Variants in SNX29 observed in about 807,000 individuals in gnomAD.
The protein encoded by SNX29 is sorting nexin 29, also known as sorting nexin-29.
In SNX29, 78 loss-of-function variants were observed where a neutral mutation model predicts 102.1. That is an observed-to-expected ratio of 0.76 (90% CI 0.64 to 0.92). The LOEUF (loss-of-function observed/expected upper bound fraction) is 0.92. Among genes scored for constraint, SNX29 ranks in the 40% least tolerant of loss-of-function variants. The probability of loss-of-function intolerance (pLI) is 0.00; values close to 1 mark genes in which losing one functional copy is unlikely to be tolerated. For synonymous variants in SNX29, 580 were observed against 414.5 expected (o/e 1.40, Z -4.85); for missense variants, 1,280 against 1,061.7 (o/e 1.21, Z -2.86).
chr16:12,156,366 G>T lies in SNX29; in HGVS notation c.1595+26608G>T, dbSNP rs2055550461. Reference sequence around the variant, plus strand: ...TTTTTGTATGTTTGGTAGAGATGGTGTTTTGCCATGTTGGCCAGGATGGTC... The same window carrying T: ...TTTTTGTATGTTTGGTAGAGATGGTTTTTTGCCATGTTGGCCAGGATGGTC... On this transcript the variant is annotated intron_variant, in intron 13 of 20. Coordinates refer to ENST00000566228, the MANE Select transcript of SNX29 (RefSeq NM_032167.5). Among the ~76,000 whole-genome samples, 5 of 152,304 alleles carry T rather than the reference G, an allele frequency of 3.3e-5. No individual in the cohort carries two copies. The South Asian group carries it at 1.0e-3, about 32-fold the overall frequency.
At chr16:12,247,528 C>T (rs1408670114) in intron 14 of SNX29, among the ~76,000 whole-genome samples, 1 of 152,110 alleles carries the variant, frequency 6.6e-6, no homozygotes, top group Admixed American at 6.5e-5. Context: ...AGTGACTTGT[C>T]ACGAGAAAGG....
intron 15 of SNX29, among the ~76,000 whole-genome samples, chr16:12,349,899 T>G (rs1262285284): frequency 6.6e-6 from 1 of 152,198 alleles, no homozygotes; most frequent in Non-Finnish European, 1.5e-5. Flanking sequence ...TTTAAAAAAC[T>G]TTCAATTCAT....
intron 16 of SNX29, among the ~76,000 whole-genome samples, chr16:12,387,834 C>G (rs73513922): frequency 0.047 from 7,166 of 152,216 alleles, 339 homozygotes; most frequent in African/African-American, 0.13. Flanking sequence ...TTCCATGCCT[C>G]CATGCCTGAA....
chr16:12,519,641 T>G lies in SNX29; in HGVS notation c.2179-5061T>G, dbSNP rs148508053. On this transcript the variant is annotated intron_variant, in intron 19 of 20. Transcript: ENST00000566228. ...CAAATATGGAAAAGAGTTAAGACTT[T>G]TTAGACAAAGTATTGTGGAGATTCA... Among the ~76,000 whole-genome samples, 46 of 152,348 alleles carry G rather than the reference T, an allele frequency of 3.0e-4. No homozygotes were observed. The East Asian group carries it at 7.9e-3, about 26-fold the overall frequency.
At chr16:12,199,827 T>G (rs1371498488) in intron 14 of SNX29, 144 bp downstream of exon 14, 2 of 686,602 alleles carry the variant, frequency 2.9e-6, no homozygotes, top group Non-Finnish European at 4.9e-6. Context: ...TCCAGAAAAT[T>G]AATCAGGTGG....
chr16:12,504,998 G>A (rs190458644), intron 19 of SNX29, among the ~76,000 whole-genome samples: 4 of 152,212 alleles, frequency 2.6e-5, no homozygotes, highest in East Asian at 1.9e-4. Context: ...ATCCTAGGCC[G>A]GGCACAGTGG....
In SNX29 at chr16:12,573,951, G is replaced by A. The variant is rs1473530750; in HGVS notation, c.*5322G>A. 1 of 199,834 alleles carries A rather than the reference G, an allele frequency of 5.0e-6. No individual in the cohort carries two copies. The highest frequency in any genetic ancestry group is 7.7e-5 in the East Asian group (1 of 12,928). 12.4% of individuals were successfully genotyped at this position (199,834 alleles called of 1,614,324 possible). A position where few individuals can be genotyped will look rare whatever the true frequency, so the allele number is the denominator to read the frequency against. ...AGAAGCGAGTCTTTTTTGAATGGAG[G>A]AGCGATGGTAACCCCACTAGGGGGC... On this transcript the variant is annotated 3_prime_UTR_variant, in exon 21 of 21. Transcript: ENST00000566228.
chr16:12,335,611 G>C lies in SNX29; in HGVS notation c.1783-20552G>C, dbSNP rs143615057. ...GGATCTCTTGAGCCTAGGCATTTGA[G>C]GCTGCAGTGAGCTACGATGGTGCTG... On this transcript the variant is annotated intron_variant, in intron 15 of 20. Coordinates refer to ENST00000566228, the MANE Select transcript of SNX29 (RefSeq NM_032167.5). Among the ~76,000 whole-genome samples, 1,345 of 152,286 alleles carry C rather than the reference G, an allele frequency of 8.8e-3. 26 individuals are homozygous for C. The highest frequency in any genetic ancestry group is 0.031 in the African/African-American group (1,281 of 41,568).
Position 12,014,345 on chromosome 16 carries a change from G to A in SNX29, c.122+11302G>A, listed in dbSNP as rs375014108. Among the ~76,000 whole-genome samples the A allele has an allele frequency of 2.0e-5, 3 of 152,068 alleles. No individual in the cohort carries two copies. In the South Asian group the frequency reaches 6.2e-4, roughly 32 times the overall value. On this transcript the variant is annotated intron_variant, in intron 3 of 20. Transcript: ENST00000566228. The stretch of plus-strand genomic sequence containing the variant: ...TTCCTGATTTTGTCATTCCTCATCC[G>A]CCAAGAGTATCCAGGCAGCATTTGC...
chr16:12,240,585 CTTTTTTTT>C lies in SNX29; in HGVS notation c.1679-37328_1679-37321del, dbSNP rs1180028807. ...ATAAAATAGCATTTCTTTGTCATTTCTTTTTTTTTTTTTTTTTTTTTTTTTTTGTGAGA... is the reference window on the plus strand; with the variant it reads ...ATAAAATAGCATTTCTTTGTCATTTCTTTTTTTTTTTTTTTTTTTGTGAGA... On this transcript the variant is annotated intron_variant, in intron 14 of 20. Transcript: ENST00000566228. 6.9e-3 allele frequency among the ~76,000 whole-genome samples: 446 copies of C among 64,798 alleles called. 1 individual carries two copies. The highest frequency in any genetic ancestry group is 0.024 in the African/African-American group (425 of 17,658). The allele number at this position is 64,798 out of a possible 152,430, so 42.5% of individuals were successfully genotyped here.
intron 8 of SNX29, among the ~76,000 whole-genome samples, 192 bp from the exon 9 acceptor site, chr16:12,061,336 A>T (rs1464551627): frequency 2.0e-5 from 3 of 152,174 alleles, no homozygotes; most frequent in Admixed American, 6.5e-5. Flanking sequence ...CTCAGTAAAC[A>T]CTGGTTGAGA....
intron 11 of SNX29, among the ~76,000 whole-genome samples, chr16:12,111,960 G>A (rs760971297): frequency 6.6e-6 from 1 of 152,106 alleles, no homozygotes; most frequent in Admixed American, 6.6e-5. Flanking sequence ...TCTTCATTCC[G>A]GAGCAGGGCG....
At position 12,132,639 on chromosome 16, in the gene SNX29, G is replaced by A. The variant is rs562215645; in HGVS notation, c.1595+2881G>A. On this transcript the variant is annotated intron_variant, in intron 13 of 20. Coordinates refer to ENST00000566228, the MANE Select transcript of SNX29 (RefSeq NM_032167.5). ...GTCTTAAGTGTATTCCACAGGAAGC[G>A]TGTTTTAGTGCATGACAATTGTTGG... Among the ~76,000 whole-genome samples, 33 of 152,320 alleles carry A rather than the reference G, an allele frequency of 2.2e-4. No individual in the cohort carries two copies. The South Asian group carries it at 6.0e-3, about 28-fold the overall frequency.
intron 11 of SNX29, among the ~76,000 whole-genome samples, chr16:12,116,854 C>G (rs974794309): frequency 1.3e-5 from 2 of 152,124 alleles, no homozygotes; most frequent in Non-Finnish European, 2.9e-5. Flanking sequence ...GAGGACGAAC[C>G]ATGGAAACAG....
chr16:12,243,688 T>A (rs1368204941), intron 14 of SNX29, among the ~76,000 whole-genome samples: 1 of 152,134 alleles, frequency 6.6e-6, no homozygotes, highest in Non-Finnish European at 1.5e-5. Context: ...TTCAGGTCCA[T>A]CCATTTAGAA....
rs534198370 is a variant in SNX29, at chr16:11,999,239, T to C, written c.8-58T>C. 3.9e-6 allele frequency: 6 copies of C among 1,532,608 alleles called. No individual in the cohort carries two copies. The Admixed American group carries it at 1.0e-4, about 26-fold the overall frequency. 94.9% of individuals were successfully genotyped at this position (1,532,608 alleles called of 1,614,324 possible). A position where few individuals can be genotyped will look rare whatever the true frequency, so the allele number is the denominator to read the frequency against. On this transcript the variant is annotated intron_variant, in intron 1 of 20. Transcript: ENST00000566228. ...GATCAGTAGGAAAGGACTGATCTAG[T>C]TGGGGACAGCCGTGTCCGAGCGTCA...
intron 18 of SNX29, among the ~76,000 whole-genome samples, chr16:12,431,370 T>G (rs1395297998): frequency 6.6e-6 from 1 of 152,022 alleles, no homozygotes; most frequent in Non-Finnish European, 1.5e-5. Flanking sequence ...GTATTAGATT[T>G]ATTATATTGT....
chr16:12,112,543 A>G (rs1418117567), intron 11 of SNX29, among the ~76,000 whole-genome samples: 1 of 152,170 alleles, frequency 6.6e-6, no homozygotes, highest in Non-Finnish European at 1.5e-5. Flanking sequence ...TCCTGCTCAC[A>G]AGGGACTCGC....
At chr16:12,476,424 A>ACATATG (rs1555548017) in intron 18 of SNX29, among the ~76,000 whole-genome samples, 1 of 89,678 alleles carries the variant, frequency 1.1e-5, no homozygotes, top group Non-Finnish European at 2.3e-5. Flanking sequence ...ATATATATAT[A>ACATATG]TATATATATA....
Sources: gnomAD v4.1 joint callset for allele counts (sites outside exome capture counted in the v4.1 genomes callset) on GRCh38, gnomAD v4.1.1 for gene constraint, MANE v1.5 for transcripts, NCBI Gene and HGNC (gene_info 2026-07-23, HGNC 2026-07-21) for gene names.